THEM4: variants seen among roughly 807,000 people sequenced by gnomAD.
THEM4 encodes the protein acyl-coenzyme A thioesterase THEM4.
THEM4 carries 22 observed loss-of-function variants against 25.0 expected under a neutral mutation model. That is an observed-to-expected ratio of 0.88 (90% CI 0.63 to 1.26). The LOEUF is 1.26. THEM4 is among the 50% of genes most tolerant of loss of function. The pLI, the probability that THEM4 is intolerant of heterozygous loss-of-function variation, is 0.00. For synonymous variants in THEM4, 113 were observed against 105.6 expected (o/e 1.07, Z -0.43); for missense variants, 286 against 300.3 (o/e 0.95, Z 0.35).
chr1:151,900,247 G>A (rs1272847376), intron 1 of THEM4, among the ~76,000 whole-genome samples: 1 of 151,654 alleles, frequency 6.6e-6, no homozygotes, highest in Non-Finnish European at 1.5e-5. Context: ...AAAAATACAA[G>A]TTAAAAAGCA....
rs11304399 is a variant in THEM4 at position 151,871,325 on chromosome 1, G to GAAAAAAAAAAAAAAAAA, written c.*3546_*3562dup. ...AGGCGACAGAGCCAGACCCTGTCTTGAAAAAAAAAAAAAAAAAAGAAAAAG... is the reference window on the plus strand; with the variant it reads ...AGGCGACAGAGCCAGACCCTGTCTTGAAAAAAAAAAAAAAAAAAAAAAAAAAAAAAAAAAAGAAAAAG... On this transcript the variant is annotated 3_prime_UTR_variant, in exon 6 of 6. Coordinates refer to ENST00000368814, the MANE Select transcript of THEM4 (RefSeq NM_053055.5). Among the ~76,000 whole-genome samples the GAAAAAAAAAAAAAAAAA allele has an allele frequency of 2.4e-5, 3 of 123,714 alleles. No homozygotes were observed. The highest frequency in any genetic ancestry group is 2.9e-4 in the South Asian group (1 of 3,462). The allele number at this position is 123,714 out of a possible 152,430, so 81.2% of individuals were successfully genotyped here.
chr1:151,904,533 T>C (rs1654415380), intron 1 of THEM4, among the ~76,000 whole-genome samples: 1 of 152,140 alleles, frequency 6.6e-6, no homozygotes, highest in South Asian at 2.1e-4. Flanking sequence ...TTAAGGAGTT[T>C]TAAGCAAGGG....
At chr1:151,899,029 C>G (rs568566680) in intron 1 of THEM4, among the ~76,000 whole-genome samples, 1 of 152,322 alleles carries the variant, frequency 6.6e-6, no homozygotes, top group Admixed American at 6.5e-5. Flanking sequence ...CAAAACAAGG[C>G]TTGTCGACAC....
intron 4 of THEM4, among the ~76,000 whole-genome samples, chr1:151,877,862 A>C (rs1653717261): frequency 6.6e-6 from 1 of 152,198 alleles, no homozygotes. Context: ...ATATCTCTTT[A>C]AAAGTGAAAT....
chr1:151,901,183 C>A (rs1236851834), intron 1 of THEM4, among the ~76,000 whole-genome samples: 2 of 152,176 alleles, frequency 1.3e-5, no homozygotes, highest in Non-Finnish European at 2.9e-5. Context: ...CCTGATTTCC[C>A]ACTCTACACC....
rs879198445 is a variant in THEM4, at chr1:151,909,299, T to C, written c.99+61A>G. On this transcript the variant is annotated intron_variant, in intron 1 of 5. Coordinates refer to ENST00000368814, the MANE Select transcript of THEM4 (RefSeq NM_053055.5). Reference sequence around the variant, plus strand: ...GTATGGATAACAATCGAAGGCTCTGTTACCGCAGGCGTGTTTCTGAGTCCT... The same window carrying C: ...GTATGGATAACAATCGAAGGCTCTGCTACCGCAGGCGTGTTTCTGAGTCCT... 24 of 1,378,024 alleles carry C rather than the reference T, an allele frequency of 1.7e-5. No homozygotes were observed. The South Asian group carries it at 3.1e-4, about 18-fold the overall frequency. 85.4% of individuals were successfully genotyped at this position (1,378,024 alleles called of 1,614,324 possible). A position where few individuals can be genotyped will look rare whatever the true frequency, so the allele number is the denominator to read the frequency against.
chr1:151,888,577 G>A (rs1654018988), intron 3 of THEM4, among the ~76,000 whole-genome samples, 194 bp from the exon 4 acceptor site: 1 of 152,158 alleles, frequency 6.6e-6, no homozygotes, highest in African/African-American at 2.4e-5. Flanking sequence ...TAATAATATA[G>A]TCTTAAGTAT....
rs6679547 is a variant in THEM4, at chr1:151,873,336, T to C, written c.*1552A>G. 9.0e-3 allele frequency among the ~76,000 whole-genome samples: 1,363 copies of C among 152,268 alleles called. 29 individuals carry two copies. The highest frequency in any genetic ancestry group is 0.032 in the African/African-American group (1,311 of 41,560). ...AGTAATCAATAAATACTGAGAGAGCTGAGACTGGGGCCGGTGCGGGTCCTC... is the reference window on the plus strand; with the variant it reads ...AGTAATCAATAAATACTGAGAGAGCCGAGACTGGGGCCGGTGCGGGTCCTC... On this transcript the variant is annotated 3_prime_UTR_variant, in exon 6 of 6. Transcript: ENST00000368814.
chr1:151,882,590 C>T (rs1023436281), intron 4 of THEM4, among the ~76,000 whole-genome samples: 3 of 152,158 alleles, frequency 2.0e-5, no homozygotes, highest in Non-Finnish European at 4.4e-5. Flanking sequence ...ATTCAAAGTT[C>T]TACTTCCCAT....
At chr1:151,889,735 T>C in intron 2 of THEM4, 1 of 171,230 alleles carries the variant, frequency 5.8e-6, no homozygotes, top group South Asian at 1.6e-4. Context: ...TTACAGAAAA[T>C]AAAAAATGTA....
rs1325588968 is a variant in THEM4 at position 151,877,140 on chromosome 1, G to C, written c.558-15C>G. On this transcript the variant is annotated splice_polypyrimidine_tract_variant and intron_variant, in intron 4 of 5. Transcript: ENST00000368814. ...GAGGGATAGGTCTGCAGAATAAAAT[G>C]AAAAAGGAAAAAAATCAGTTTTTAT... The C allele has an allele frequency of 1.9e-6, 3 of 1,586,348 alleles. No homozygotes were observed. The South Asian group carries it at 3.5e-5, about 18-fold the overall frequency.
chr1:151,884,372 T>C (rs1397903927), intron 4 of THEM4, among the ~76,000 whole-genome samples: 3 of 152,222 alleles, frequency 2.0e-5, no homozygotes, highest in Non-Finnish European at 4.4e-5. Context: ...GTGTTATCTA[T>C]CCATAAGAAT....
rs762493849 is a variant in THEM4 at position 151,895,060 on chromosome 1, T to C, written c.234A>G (p.Ser78=). ...TCCATTCAGTAGGTGTACGTTTATA[T>C]GAAGGCAAACGTTTCCAGGAGCCGT... ...CEDGSWKRLP[S]YKRTPTEWIQ... The change falls in exon 2 of 6, where the codon TCA becomes TCG. Residue 78 remains serine, a synonymous_variant. Coordinates refer to ENST00000368814, the MANE Select transcript of THEM4 (RefSeq NM_053055.5). The C allele has an allele frequency of 4.3e-6, 7 of 1,614,180 alleles. No homozygotes were observed. The South Asian group carries it at 7.7e-5, about 18-fold the overall frequency.
chr1:151,879,413 C>A (rs945863740), intron 4 of THEM4, among the ~76,000 whole-genome samples: 3 of 142,098 alleles, frequency 2.1e-5, no homozygotes, highest in Admixed American at 7.1e-5. Context: ...TTAAAAAGTT[C>A]TTTTTTTTTT....
At chr1:151,903,160 C>A (rs1433236121) in intron 1 of THEM4, among the ~76,000 whole-genome samples, 4 of 152,060 alleles carry the variant, frequency 2.6e-5, no homozygotes, top group Non-Finnish European at 2.9e-5. Flanking sequence ...TTAATTGGTT[C>A]ATCCTTCCAG....
chr1:151,897,042 A>G (rs1654240185), intron 1 of THEM4, among the ~76,000 whole-genome samples: 1 of 152,224 alleles, frequency 6.6e-6, no homozygotes, highest in South Asian at 2.1e-4. Flanking sequence ...CCAGGCAACA[A>G]ATGGAACATT....
intron 4 of THEM4, among the ~76,000 whole-genome samples, chr1:151,888,022 G>C (rs1203944179): frequency 6.6e-6 from 1 of 152,166 alleles, no homozygotes; most frequent in Non-Finnish European, 1.5e-5. Flanking sequence ...AGACAATTCT[G>C]AGGCATAAAT....
chr1:151,904,449 C>G (rs1372697348), intron 1 of THEM4, among the ~76,000 whole-genome samples: 1 of 152,178 alleles, frequency 6.6e-6, no homozygotes, highest in Admixed American at 6.5e-5. Flanking sequence ...ATTAAGTTAA[C>G]TAAAGAAGTG....
At position 151,895,116 on chromosome 1, in the gene THEM4, G is replaced by C. The variant is rs769587969; in HGVS notation, c.178C>G (p.Leu60Val). The change falls in exon 2 of 6, where the codon CTC (leucine) becomes GTC (valine). Residue 60 changes from leucine to valine, a missense_variant. By Grantham distance (32) the Leu-to-Val change is conservative. Coordinates refer to ENST00000368814, the MANE Select transcript of THEM4 (RefSeq NM_053055.5). ...NPSWNKDLRLLFDQFMKKCED... is the reference protein window; with the variant it reads ...NPSWNKDLRLVFDQFMKKCED... ...CATTTCTTCATAAACTGGTCAAAGA[G>C]CAGTCTTAGGTCCTTGTTCCAGCTG... The C allele has an allele frequency of 1.9e-6, 3 of 1,613,960 alleles. No individual in the cohort carries two copies. The highest frequency in any genetic ancestry group is 2.5e-6 in the Non-Finnish European group (3 of 1,179,986).
Sources: gnomAD v4.1 joint callset for allele counts (sites outside exome capture counted in the v4.1 genomes callset) on GRCh38, gnomAD v4.1.1 for gene constraint, MANE v1.5 for transcripts, NCBI Gene and HGNC (gene_info 2026-07-23, HGNC 2026-07-21) for gene names.